Variants in MED13L observed in about 807,000 individuals in gnomAD.
MED13L encodes mediator complex subunit 13L.
A neutral mutation model predicts 220.9 loss-of-function variants in MED13L; 7 were observed. That is an observed-to-expected ratio of 0.03 (90% CI 0.02 to 0.06). The LOEUF (loss-of-function observed/expected upper bound fraction) is 0.06. Among genes scored for constraint, MED13L ranks in the 10% least tolerant of loss-of-function variants. The pLI, the probability that MED13L is intolerant of heterozygous loss-of-function variation, is 1.00. For synonymous variants in MED13L, 1,011 were observed against 1,015.2 expected (o/e 1.00, Z 0.08); for missense variants, 1,965 against 2,760.5 (o/e 0.71, Z 6.46).
At chr12:115,965,174 C>T (rs1876058969) in intron 29 of MED13L, among the ~76,000 whole-genome samples, 1 of 152,114 alleles carries the variant, frequency 6.6e-6, no homozygotes, top group Non-Finnish European at 1.5e-5. Context: ...TGTGAATGTG[C>T]ATATCTTATA....
intron 4 of MED13L, among the ~76,000 whole-genome samples, chr12:116,043,554 G>T (rs556794380): frequency 6.6e-6 from 1 of 152,132 alleles, no homozygotes; most frequent in African/African-American, 2.4e-5. Context: ...AGTAAAACAT[G>T]CTCTAAAACA....
intron 9 of MED13L, among the ~76,000 whole-genome samples, chr12:116,010,155 G>C (rs1228309424): frequency 6.6e-6 from 1 of 152,118 alleles, no homozygotes; most frequent in African/African-American, 2.4e-5. Context: ...GGAAGGAGTG[G>C]TCTGTACCAT....
rs755572586 is a variant in MED13L at position 115,969,112 on chromosome 12, G to A, written c.6068-15C>T. 1.6e-5 allele frequency: 26 copies of A among 1,611,390 alleles called. No homozygotes were observed. The highest frequency in any genetic ancestry group is 2.2e-5 in the Non-Finnish European group (26 of 1,178,724). ...AAACATATCATCTAGAGGGAAGGGG[G>A]GAAAAAAAGCACAAAAATTAAAAAG... On this transcript the variant is annotated splice_polypyrimidine_tract_variant and intron_variant, in intron 27 of 30. Transcript: ENST00000281928.
rs1234270580 is a variant in MED13L, at chr12:115,983,289, C to T, written c.4783G>A (p.Gly1595Ser). 6 of 1,614,064 alleles carry T rather than the reference C, an allele frequency of 3.7e-6. No individual in the cohort carries two copies. The East Asian group carries it at 1.3e-4, about 36-fold the overall frequency. Residue 1595 changes from glycine (G) to serine (S), a missense_variant, in exon 21 of 31, where the codon GGT becomes AGT. Coordinates refer to ENST00000281928, the MANE Select transcript of MED13L (RefSeq NM_015335.5). Reference sequence around the variant, plus strand: ...GAGGTAGTGCTTATCTGGCTAATACCAGGAGCAGAGGCAGACGATGAGACC... The same window carrying T: ...GAGGTAGTGCTTATCTGGCTAATACTAGGAGCAGAGGCAGACGATGAGACC... ...PPVSSSASAPGISQISTTSSS... is the reference protein window; with the variant it reads ...PPVSSSASAPSISQISTTSSS...
intron 2 of MED13L, among the ~76,000 whole-genome samples, chr12:116,213,771 C>A (rs1293627068): frequency 6.6e-6 from 1 of 152,134 alleles, no homozygotes; most frequent in Non-Finnish European, 1.5e-5. Context: ...CTATCTGAGG[C>A]TTCTAATTTA....
At position 116,023,304 on chromosome 12, in the gene MED13L, G is replaced by C. The variant is rs117665688; in HGVS notation, c.480-703C>G. On this transcript the variant is annotated intron_variant, in intron 4 of 30. Coordinates refer to ENST00000281928, the MANE Select transcript of MED13L (RefSeq NM_015335.5). ...GAGCAAGACCCCTGTCTCAAAAAAA[G>C]TGGCTTACGAACAAGATCAGAAGGC... 2.2e-4 allele frequency among the ~76,000 whole-genome samples: 33 copies of C among 152,140 alleles called. No individual in the cohort carries two copies. In the East Asian group the frequency reaches 6.2e-3, roughly 29 times the overall value.
intron 2 of MED13L, among the ~76,000 whole-genome samples, chr12:116,164,132 G>T (rs139561239): frequency 6.6e-6 from 1 of 152,140 alleles, no homozygotes; most frequent in Non-Finnish European, 1.5e-5. Flanking sequence ...TTCAATGCTT[G>T]CTGCTCTTCA....
chr12:116,082,133 CTAAA>C (rs1316159801), intron 4 of MED13L, among the ~76,000 whole-genome samples: 1 of 152,128 alleles, frequency 6.6e-6, no homozygotes, highest in Non-Finnish European at 1.5e-5. Flanking sequence ...TGCCAGTAAA[CTAAA>C]TATAGAGATA....
Position 116,176,536 on chromosome 12 carries a change from C to A in MED13L, c.310+60932G>T, listed in dbSNP as rs141634646. Among the ~76,000 whole-genome samples the A allele has an allele frequency of 3.3e-5, 5 of 152,180 alleles. No individual in the cohort carries two copies. The East Asian group carries it at 9.7e-4, about 29-fold the overall frequency. On this transcript the variant is annotated intron_variant, in intron 2 of 30. Transcript: ENST00000281928. ...ATGAAGGCTAAGAACTGGCCTTGGA[C>A]AGGGCCTTTGACTGTAGTCTCAGTA...
chr12:116,044,852 T>C (rs886691399), intron 4 of MED13L, among the ~76,000 whole-genome samples: 3 of 152,190 alleles, frequency 2.0e-5, no homozygotes, highest in Non-Finnish European at 2.9e-5. Flanking sequence ...CCCTAGAATA[T>C]GAAGTTGTAT....
intron 16 of MED13L, among the ~76,000 whole-genome samples, chr12:115,995,241 TCA>T (rs1878324436): frequency 6.6e-6 from 1 of 152,164 alleles, no homozygotes. Flanking sequence ...TTCCTTAAGC[TCA>T]GCACAATGGT....
intron 2 of MED13L, among the ~76,000 whole-genome samples, chr12:116,223,400 T>C (rs1221280037): frequency 6.6e-6 from 1 of 152,096 alleles, no homozygotes; most frequent in Non-Finnish European, 1.5e-5. Flanking sequence ...AAAATTCAAC[T>C]ACAGACTATA....
intron 4 of MED13L, among the ~76,000 whole-genome samples, chr12:116,092,700 GAAGTT>G (rs1161703845): frequency 6.6e-6 from 1 of 152,270 alleles, no homozygotes; most frequent in Non-Finnish European, 1.5e-5. Flanking sequence ...TAAAAAGTCT[GAAGTT>G]AAGAGGAGAG....
chr12:116,265,595 A>C (rs1034385706), intron 1 of MED13L, among the ~76,000 whole-genome samples: 1 of 152,224 alleles, frequency 6.6e-6, no homozygotes, highest in African/African-American at 2.4e-5. Flanking sequence ...TTTAGTCATT[A>C]GCATTTTGCG....
At chr12:116,004,911 G>GT (rs1878958650) in intron 13 of MED13L, among the ~76,000 whole-genome samples, 1 of 152,068 alleles carries the variant, frequency 6.6e-6, no homozygotes, top group Non-Finnish European at 1.5e-5. Flanking sequence ...TGGTCACGTC[G>GT]TATCTGAATG....
At chr12:115,965,738 T>C (rs1275785341) in intron 29 of MED13L, among the ~76,000 whole-genome samples, 1 of 152,212 alleles carries the variant, frequency 6.6e-6, no homozygotes, top group Admixed American at 6.5e-5. Flanking sequence ...CTGGTTATTA[T>C]ACCTTCGACA....
At position 115,959,158 on chromosome 12, in the gene MED13L, T is replaced by A. The variant is rs879922994; in HGVS notation, c.*2108A>T. On this transcript the variant is annotated 3_prime_UTR_variant, in exon 31 of 31. Transcript: ENST00000281928. Reference sequence around the variant, plus strand: ...CACAGAAGTACATAATAAGATTTTTTAAAATCTATTGCCATTCATTTATTT... The same window carrying A: ...CACAGAAGTACATAATAAGATTTTTAAAAATCTATTGCCATTCATTTATTT... The A allele has an allele frequency of 7.2e-5, 11 of 152,622 alleles. No homozygotes were observed. Among genetic ancestry groups the A allele is most frequent in the Admixed American group, 1.3e-4 (2 of 15,278 alleles). The allele number at this position is 152,622 out of a possible 1,614,324, so 9.5% of individuals were successfully genotyped here. A position where few individuals can be genotyped will look rare whatever the true frequency, so the allele number is the denominator to read the frequency against.
chr12:116,111,313 C>A, intron 3 of MED13L, 115 bp downstream of exon 3: 1 of 820,622 alleles, frequency 1.2e-6, no homozygotes, highest in Non-Finnish European at 2.1e-6. Context: ...ATGTAATTTT[C>A]ATACTAGCAA....
chr12:116,089,465 GAA>G (rs1871997977), intron 4 of MED13L, among the ~76,000 whole-genome samples: 1 of 152,160 alleles, frequency 6.6e-6, no homozygotes, highest in African/African-American at 2.4e-5. Flanking sequence ...GGTTCAGTCT[GAA>G]AACATACCAT....
Sources: allele counts gnomAD v4.1 joint callset (sites outside exome capture counted in the v4.1 genomes callset), GRCh38; gene constraint gnomAD v4.1.1; transcripts MANE v1.5; gene names NCBI Gene and HGNC (gene_info 2026-07-23, HGNC 2026-07-21).